The following HK3 variants were observed in gnomAD, a reference collection of about 807,000 sequenced individuals.
The protein encoded by HK3 is hexokinase 3.
HK3 carries 93 observed loss-of-function variants against 91.0 expected under a neutral mutation model. That is an observed-to-expected ratio of 1.02 (90% CI 0.86 to 1.21). The LOEUF (loss-of-function observed/expected upper bound fraction) is 1.21, where lower values mean the gene tolerates loss of function less well. HK3 is among the 50% of genes most tolerant of loss of function. The probability of loss-of-function intolerance (pLI) is 0.00; values close to 1 mark genes in which losing one functional copy is unlikely to be tolerated. For missense variants in HK3, 1,235 were observed against 1,247.4 expected, an observed-to-expected ratio of 0.99 and a Z score of 0.15; for synonymous variants, 519 against 516.9, an observed-to-expected ratio of 1.00 and a Z score of -0.06.
rs1269367802 is a variant in HK3, at chr5:176,887,390, A to G, written c.1601-53T>C. 6.2e-7 allele frequency: 1 copy of G among 1,613,160 alleles called. No homozygotes were observed. Among genetic ancestry groups the G allele is most frequent in the Non-Finnish European group, 8.5e-7 (1 of 1,179,872 alleles). On this transcript the variant is annotated intron_variant, in intron 11 of 18. Coordinates refer to ENST00000292432, the MANE Select transcript of HK3 (RefSeq NM_002115.3). This position sits in a 1 kb window ranked among gnomAD's most constrained non-coding sequence, Gnocchi z 4.9. ...GGATAGGGCTTGTGGCTCCAGCCCCAGCACACACTGGGACCCCCAGGAGCC... is the reference window on the plus strand; with the variant it reads ...GGATAGGGCTTGTGGCTCCAGCCCCGGCACACACTGGGACCCCCAGGAGCC...
At chr5:176,883,905 C>T (rs1214949110) in intron 14 of HK3, 36 bp from the exon 15 acceptor site, 6 of 1,605,266 alleles carry the variant, frequency 3.7e-6, no homozygotes, top group South Asian at 2.2e-5. Context: ...TGCTGGGCAA[C>T]GCGGTCGTCA....
intron 13 of HK3, 76 bp downstream of exon 13, chr5:176,886,926 T>C (rs1213895723): frequency 2.6e-5 from 40 of 1,561,216 alleles, no homozygotes; most frequent in Non-Finnish European, 3.4e-5. Context: ...CCTTTTCCCC[T>C]GCCTCCTGCC....
In HK3 at chr5:176,888,872, G is replaced by T. The variant is rs761983482; in HGVS notation, c.915-8C>A. On this transcript the variant is annotated splice_region_variant and splice_polypyrimidine_tract_variant and intron_variant, in intron 8 of 18. Coordinates refer to ENST00000292432, the MANE Select transcript of HK3 (RefSeq NM_002115.3). ...CCGATCATCTTCTCAAACCTGCAGG[G>T]GGGAAGGGTGGCTGGAGGAAGCCTT... 6.2e-7 allele frequency: 1 copy of T among 1,609,706 alleles called. No individual in the cohort carries two copies. The highest frequency in any genetic ancestry group is 8.5e-7 in the Non-Finnish European group (1 of 1,177,162).
intron 2 of HK3, 76 bp downstream of exon 2, chr5:176,895,988 C>A: frequency 8.3e-7 from 1 of 1,200,146 alleles, no homozygotes; most frequent in South Asian, 1.2e-5. Flanking sequence ...GAGCCCAGGG[C>A]CCCATGGCAG....
Position 176,896,189 on chromosome 5 carries a change from TGG to T in HK3, c.-26-6_-26-5del. On this transcript the variant is annotated splice_region_variant and splice_polypyrimidine_tract_variant and intron_variant, in intron 1 of 18. Coordinates refer to ENST00000292432, the MANE Select transcript of HK3 (RefSeq NM_002115.3). Reference sequence around the variant, plus strand: ...TTCCACAGTGGAAGGTGGCCACCTATGGGAGAAAAGGGACAACCTGGGTCAAC... The same window carrying T: ...TTCCACAGTGGAAGGTGGCCACCTATGAGAAAAGGGACAACCTGGGTCAAC... 1 of 1,543,378 alleles carries T rather than the reference TGG, an allele frequency of 6.5e-7. No individual in the cohort carries two copies. The highest frequency in any genetic ancestry group is 1.2e-5 in the South Asian group (1 of 83,862).
At chr5:176,885,962 T>C (rs949454739) in intron 13 of HK3, among the ~76,000 whole-genome samples, 1 of 150,900 alleles carries the variant, frequency 6.6e-6, no homozygotes, top group Non-Finnish European at 1.5e-5. Context: ...TCAGGTGGAG[T>C]GCGGTGGCTC....
intron 17 of HK3, 59 bp downstream of exon 17, chr5:176,881,633 C>T (rs1758431871): frequency 3.1e-6 from 5 of 1,603,930 alleles, no homozygotes; most frequent in Admixed American, 1.7e-5. Flanking sequence ...GGCCAGCAAT[C>T]CCCCACAGTG....
In HK3 at chr5:176,881,519, G is replaced by A. The variant is rs746886792; in HGVS notation, c.2410C>T (p.Arg804Trp). 78 of 1,602,616 alleles carry A rather than the reference G, an allele frequency of 4.9e-5. No homozygotes were observed. The highest frequency in any genetic ancestry group is 1.8e-4 in the East Asian group (8 of 44,756). The change falls in exon 18 of 19, where the codon CGG (arginine) becomes TGG (tryptophan). Residue 804 changes from arginine (R) to tryptophan (W), a missense_variant. Around this residue, in one of 3 missense-constraint regions of HK3, gnomAD observed 513 missense variants for 477.4 expected, o/e 1.07. Transcript: ENST00000292432. The stretch of plus-strand genomic sequence containing the variant: ...TCCTCTAGGATGGCTCGGACCTGCC[G>A]CAGGGCCAGGCTGTCACTGGGGGCC... ...SEIESDSLALRQVRAILEDLG... is the reference protein window; with the variant it reads ...SEIESDSLALWQVRAILEDLG...
At chr5:176,889,969 G>A (rs559306859) in intron 6 of HK3, among the ~76,000 whole-genome samples, 11 of 151,450 alleles carry the variant, frequency 7.3e-5, no homozygotes, top group East Asian at 1.9e-4. Context: ...CCCAACTTGC[G>A]CCCCCAGGTC....
intron 13 of HK3, among the ~76,000 whole-genome samples, chr5:176,886,112 C>G (rs1161955386): frequency 6.6e-6 from 1 of 151,972 alleles, no homozygotes; most frequent in Non-Finnish European, 1.5e-5. Flanking sequence ...GCCTGTAGTC[C>G]CAGCTACTTG....
At chr5:176,888,272 G>A in intron 10 of HK3, 60 bp downstream of exon 10, 3 of 1,398,732 alleles carry the variant, frequency 2.1e-6, no homozygotes, top group South Asian at 1.3e-5. Flanking sequence ...GGCCCTCTGG[G>A]TGTGTATCAC....
At position 176,887,257 on chromosome 5, in the gene HK3, T is replaced by G. The variant is rs773467595; in HGVS notation, c.1681A>C (p.Ile561Leu). The stretch of plus-strand genomic sequence containing the variant: ...GGAATGGAGTAGATCTCGCTGGTGA[T>G]CTGCACGCCTGTGGTCACACGTACC... ...LLVRVTTGVQITSEIYSIPET... is the reference protein window; with the variant it reads ...LLVRVTTGVQLTSEIYSIPET... Residue 561 changes from isoleucine (I) to leucine (L), a missense_variant, in exon 12 of 19, where the codon ATC (isoleucine) becomes CTC (leucine). Ile to Leu is a conservative substitution (Grantham distance 5, BLOSUM62 2). Around this residue, in one of 3 missense-constraint regions of HK3, gnomAD observed 5 missense variants for 18.4 expected, o/e 0.27. Coordinates refer to ENST00000292432, the MANE Select transcript of HK3 (RefSeq NM_002115.3). The surrounding 1 kb of genome is among the most constrained non-coding windows in gnomAD (Gnocchi z 4.9). 6.3e-7 allele frequency: 1 copy of G among 1,599,874 alleles called. No homozygotes were observed. The highest frequency in any genetic ancestry group is 8.5e-7 in the Non-Finnish European group (1 of 1,174,232).
intron 13 of HK3, among the ~76,000 whole-genome samples, chr5:176,886,670 G>A (rs747070775): frequency 2.6e-5 from 4 of 152,098 alleles, no homozygotes; most frequent in Middle Eastern, 3.2e-3. Flanking sequence ...AACCCCAAGC[G>A]ACCTCAAGCC....
intron 15 of HK3, among the ~76,000 whole-genome samples, chr5:176,882,996 A>T (rs991621403): frequency 1.3e-5 from 2 of 152,138 alleles, no homozygotes; most frequent in African/African-American, 4.8e-5. Flanking sequence ...GAGCTGTGGG[A>T]TCCCTCCTCC....
intron 13 of HK3, among the ~76,000 whole-genome samples, 180 bp downstream of exon 13, chr5:176,886,822 C>T (rs1229084684): frequency 1.3e-5 from 2 of 152,220 alleles, no homozygotes; most frequent in Non-Finnish European, 2.9e-5. Flanking sequence ...GACCCTAACC[C>T]TGGGCCTACC....
chr5:176,881,903 C>T (rs576923915), intron 16 of HK3, 41 bp downstream of exon 16: 3 of 1,612,260 alleles, frequency 1.9e-6, no homozygotes, highest in South Asian at 1.1e-5. Flanking sequence ...ATCCCCAGCA[C>T]CGGTCACAGC....
Position 176,898,531 on chromosome 5 carries a change from TTCAC to T in HK3, c.-27+732_-27+735del, listed in dbSNP as rs113971303. 4.2e-3 allele frequency among the ~76,000 whole-genome samples: 642 copies of T among 152,358 alleles called. 9 individuals are homozygous for T. Among genetic ancestry groups the T allele is most frequent in the African/African-American group, 0.014 (595 of 41,584 alleles). ...AAGGCCCAGCTAGTTCATTTATTCA[TTCAC>T]TCACTCATTCATTCCCTCATCCATT... On this transcript the variant is annotated intron_variant, in intron 1 of 18. Transcript: ENST00000292432.
rs908430208 is a variant in HK3, at chr5:176,891,569, A to C, written c.97-19T>G. On this transcript the variant is annotated intron_variant, in intron 2 of 18. Coordinates refer to ENST00000292432, the MANE Select transcript of HK3 (RefSeq NM_002115.3). Reference sequence around the variant, plus strand: ...CCTGCACCTGGGGAGAAACAGGCCAACATCTGGGAAGGAGCACCATTGGGC... The same window carrying C: ...CCTGCACCTGGGGAGAAACAGGCCACCATCTGGGAAGGAGCACCATTGGGC... 4 of 1,602,400 alleles carry C rather than the reference A, an allele frequency of 2.5e-6. No individual in the cohort carries two copies. Among genetic ancestry groups the C allele is most frequent in the Non-Finnish European group, 3.4e-6 (4 of 1,174,146 alleles).
In HK3 at chr5:176,881,437, G is replaced by A; in HGVS notation, c.2492C>T (p.Ala831Val). 4.3e-6 allele frequency: 7 copies of A among 1,611,372 alleles called. No homozygotes were observed. The East Asian group carries it at 1.6e-4, about 36-fold the overall frequency. ...DALMVLEVCQ[A>V]VSQRAAQLCG... ...GAGCTGGGCAGCCCTCTGGGACACA[G>A]CCTGGCACACCTCTAGCACCATCAG... Residue 831 changes from alanine (A) to valine (V), a missense_variant, in exon 18 of 19, where the codon GCT becomes GTT. Ala to Val is a moderately conservative substitution (Grantham distance 64, BLOSUM62 0). This residue lies in a region of HK3 where 513 missense variants were observed against 477.4 expected (regional missense o/e 1.07). Coordinates refer to ENST00000292432, the MANE Select transcript of HK3 (RefSeq NM_002115.3).
Sources: gnomAD v4.1 joint callset for allele counts (sites outside exome capture counted in the v4.1 genomes callset) on GRCh38, gnomAD v4.1.1 for gene constraint, gnomAD v4.1.1 regional missense constraint, Gnocchi (gnomAD v3.1) non-coding constraint, MANE v1.5 for transcripts, NCBI Gene and HGNC (gene_info 2026-07-23, HGNC 2026-07-21) for gene names.